The following C8orf58 variants were observed in gnomAD, a reference collection of about 807,000 sequenced individuals.
The protein encoded by C8orf58 is uncharacterized protein C8orf58.
C8orf58 carries 31 observed loss-of-function variants against 36.8 expected under a neutral mutation model. That is an observed-to-expected ratio of 0.84 (90% CI 0.63 to 1.14). The LOEUF (loss-of-function observed/expected upper bound fraction) is 1.14. C8orf58 is among the 50% of genes most tolerant of loss of function. The pLI, the probability that C8orf58 is intolerant of heterozygous loss-of-function variation, is 0.00. For synonymous variants in C8orf58, 230 were observed against 200.2 expected (o/e 1.15, Z -1.26); for missense variants, 538 against 480.8 (o/e 1.12, Z -1.11).
intron 5 of C8orf58, 96 bp downstream of exon 5, chr8:22,602,408 G>A: frequency 7.6e-7 from 1 of 1,310,424 alleles, no homozygotes; most frequent in Non-Finnish European, 1.1e-6. Flanking sequence ...CAACTCTGGG[G>A]AAATGACAGG....
intron 2 of C8orf58, 89 bp downstream of exon 2, chr8:22,601,446 C>T: frequency 9.2e-7 from 1 of 1,089,498 alleles, no homozygotes. Flanking sequence ...GGGTGGGGCA[C>T]TCCCTGCCCC....
chr8:22,600,516 T>A, intron 1 of C8orf58: 1 of 282,586 alleles, frequency 3.5e-6, no homozygotes. Context: ...ACAGTCCTAC[T>A]CCCGCTTGGG....
At chr8:22,602,857 G>A (rs563066480) in intron 6 of C8orf58, 9 of 577,416 alleles carry the variant, frequency 1.6e-5, no homozygotes, top group East Asian at 8.5e-5. Flanking sequence ...TTCCAAAGCC[G>A]CACGGTGAGT....
At position 22,599,675 on chromosome 8, in the gene C8orf58, A is replaced by C; in HGVS notation, c.-46A>C. 1 of 1,098,690 alleles carries C rather than the reference A, an allele frequency of 9.1e-7. No individual in the cohort carries two copies. Among genetic ancestry groups the C allele is most frequent in the Non-Finnish European group, 1.1e-6 (1 of 879,848 alleles). The allele number at this position is 1,098,690 out of a possible 1,614,324, so 68.1% of individuals were successfully genotyped here. A position where few individuals can be genotyped will look rare whatever the true frequency, so the allele number is the denominator to read the frequency against. On this transcript the variant is annotated 5_prime_UTR_variant, in exon 1 of 7. Coordinates refer to ENST00000289989, the MANE Select transcript of C8orf58 (RefSeq NM_001013842.3). ...GAGCTCCGCGGGGACTCGGGCCGGG[A>C]TCCTCGGGCGGCTGCATTGGCCGGG...
Position 22,603,335 on chromosome 8 carries a change from G to T in C8orf58, c.*29G>T. The T allele has an allele frequency of 6.7e-7, 1 of 1,500,414 alleles. No homozygotes were observed. The highest frequency in any genetic ancestry group is 9.3e-7 in the Non-Finnish European group (1 of 1,076,706). 92.9% of individuals were successfully genotyped at this position (1,500,414 alleles called of 1,614,324 possible). Reference sequence around the variant, plus strand: ...CTCTCGGTGCACCTGGTGACCCTGGGTGGAGGGGACTTGCTGTGAAGTCTT... The same window carrying T: ...CTCTCGGTGCACCTGGTGACCCTGGTTGGAGGGGACTTGCTGTGAAGTCTT... On this transcript the variant is annotated 3_prime_UTR_variant, in exon 7 of 7. Transcript: ENST00000289989.
At chr8:22,601,675 C>T in intron 2 of C8orf58, 37 bp from the exon 3 acceptor site, 1 of 1,569,976 alleles carries the variant, frequency 6.4e-7, no homozygotes, top group Non-Finnish European at 8.6e-7. Flanking sequence ...AGGAGCCCTA[C>T]TGGCTGAAAT....
chr8:22,602,523 C>G lies in C8orf58; in HGVS notation c.880-14C>G. The G allele has an allele frequency of 6.2e-7, 1 of 1,607,000 alleles. No individual in the cohort carries two copies. Among genetic ancestry groups the G allele is most frequent in the Non-Finnish European group, 8.5e-7 (1 of 1,174,322 alleles). On this transcript the variant is annotated splice_polypyrimidine_tract_variant and intron_variant, in intron 5 of 6. Transcript: ENST00000289989. ...GTGGGGAGGGCTCTGGGTGACCCCT[C>G]ATCCTCTGCTCAGCGGGATATCTCC...
chr8:22,603,466 C>A lies in C8orf58; in HGVS notation c.*160C>A. 1.4e-6 allele frequency: 1 copy of A among 691,292 alleles called. No individual in the cohort carries two copies. The allele number at this position is 691,292 out of a possible 1,614,324, so 42.8% of individuals were successfully genotyped here. ...GCTGAATCTTTCTCCTCTAAGCAGTCTGGTCAGGAACCTTGGTTTCTTGAG... is the reference window on the plus strand; with the variant it reads ...GCTGAATCTTTCTCCTCTAAGCAGTATGGTCAGGAACCTTGGTTTCTTGAG... On this transcript the variant is annotated 3_prime_UTR_variant, in exon 7 of 7. Coordinates refer to ENST00000289989, the MANE Select transcript of C8orf58 (RefSeq NM_001013842.3).
At chr8:22,602,866 G>T in intron 6 of C8orf58, 1 of 580,612 alleles carries the variant, frequency 1.7e-6, no homozygotes, top group South Asian at 2.2e-5. Flanking sequence ...CGCACGGTGA[G>T]TCAGTGACAG....
rs555354035 is a variant in C8orf58 at position 22,601,568 on chromosome 8, G to A, written c.517-144G>A. On this transcript the variant is annotated intron_variant, in intron 2 of 6. Coordinates refer to ENST00000289989, the MANE Select transcript of C8orf58 (RefSeq NM_001013842.3). Reference sequence around the variant, plus strand: ...GGGGCCCTTCCTGGCACTATGCCCCGCTGGGCAGTGGGGAAGCCGGCTGCG... The same window carrying A: ...GGGGCCCTTCCTGGCACTATGCCCCACTGGGCAGTGGGGAAGCCGGCTGCG... 4.1e-4 allele frequency: 455 copies of A among 1,112,004 alleles called. 2 individuals are homozygous for A. In the South Asian group the frequency reaches 6.4e-3, roughly 16 times the overall value. The allele number at this position is 1,112,004 out of a possible 1,614,324, so 68.9% of individuals were successfully genotyped here. A position where few individuals can be genotyped will look rare whatever the true frequency, so the allele number is the denominator to read the frequency against.
chr8:22,599,688 T>A lies in C8orf58; in HGVS notation c.-33T>A. The A allele has an allele frequency of 8.5e-7, 1 of 1,179,484 alleles. No homozygotes were observed. The highest frequency in any genetic ancestry group is 1.1e-6 in the Non-Finnish European group (1 of 947,696). 73.1% of individuals were successfully genotyped at this position (1,179,484 alleles called of 1,614,324 possible). A position where few individuals can be genotyped will look rare whatever the true frequency, so the allele number is the denominator to read the frequency against. ...ACTCGGGCCGGGATCCTCGGGCGGC[T>A]GCATTGGCCGGGGCCGGGGCCGGGA... On this transcript the variant is annotated 5_prime_UTR_variant, in exon 1 of 7. Transcript: ENST00000289989.
At chr8:22,602,691 A>G (rs34268501) in intron 6 of C8orf58, 48 bp downstream of exon 6, 412,811 of 1,209,214 alleles carry the variant, frequency 0.34, 71,437 homozygotes, top group South Asian at 0.44. Flanking sequence ...GGAGACTGAT[A>G]AGCCAGGATG....
intron 3 of C8orf58, 39 bp downstream of exon 3, chr8:22,601,891 G>T: frequency 6.4e-7 from 1 of 1,568,036 alleles, no homozygotes; most frequent in Non-Finnish European, 8.7e-7. Flanking sequence ...AGGACAGATG[G>T]GACCCTGGGA....
chr8:22,599,802 C>A (rs978713665), intron 1 of C8orf58, 42 bp downstream of exon 1: 6 of 1,038,616 alleles, frequency 5.8e-6, no homozygotes, highest in Admixed American at 4.3e-5. Context: ...CCCCCCTGCC[C>A]CGGAGCCGCT....
In C8orf58 at chr8:22,602,313, G is replaced by T. The variant is rs1800888494; in HGVS notation, c.879+1G>T. The stretch of plus-strand genomic sequence containing the variant: ...CTTGCCATCCTCCCAGGGACACAAG[G>T]TAGGGGACAGGTATATGTGGGGCAG... On this transcript the variant is annotated splice_donor_variant, in intron 5 of 6. Transcript: ENST00000289989. LOFTEE classifies it high-confidence loss of function. 6.6e-7 allele frequency: 1 copy of T among 1,511,194 alleles called. No homozygotes were observed. The highest frequency in any genetic ancestry group is 1.2e-5 in the South Asian group (1 of 86,270). 93.6% of individuals were successfully genotyped at this position (1,511,194 alleles called of 1,614,324 possible). A position where few individuals can be genotyped will look rare whatever the true frequency, so the allele number is the denominator to read the frequency against.
At chr8:22,603,158 C>T (rs1473356821) in intron 6 of C8orf58, 37 bp from the exon 7 acceptor site, 2 of 1,470,950 alleles carry the variant, frequency 1.4e-6, no homozygotes, top group Admixed American at 3.4e-5. Context: ...AGTTTTATTT[C>T]CCCCTTCTAG....
rs974449987 is a variant in C8orf58, at chr8:22,603,411, T to C, written c.*105T>C. On this transcript the variant is annotated 3_prime_UTR_variant, in exon 7 of 7. Transcript: ENST00000289989. ...TCTCCACATTGCCAGGAAAAGCTGC[T>C]GACGCCTGCCCTCCTCTCTTGAGTC... 3.7e-6 allele frequency: 3 copies of C among 807,444 alleles called. No individual in the cohort carries two copies. The highest frequency in any genetic ancestry group is 3.9e-5 in the Admixed American group (2 of 51,912). 50.0% of individuals were successfully genotyped at this position (807,444 alleles called of 1,614,324 possible). A position where few individuals can be genotyped will look rare whatever the true frequency, so the allele number is the denominator to read the frequency against.
intron 3 of C8orf58, 42 bp from the exon 4 acceptor site, chr8:22,601,930 C>T: frequency 6.5e-7 from 1 of 1,546,232 alleles, no homozygotes; most frequent in East Asian, 2.3e-5. Flanking sequence ...GCAGCTTCAG[C>T]CCTCTAGCCA....
At position 22,602,319 on chromosome 8, in the gene C8orf58, G is replaced by A. The variant is rs1212726650; in HGVS notation, c.879+7G>A. On this transcript the variant is annotated splice_region_variant and intron_variant, in intron 5 of 6. Transcript: ENST00000289989. The stretch of plus-strand genomic sequence containing the variant: ...ATCCTCCCAGGGACACAAGGTAGGG[G>A]ACAGGTATATGTGGGGCAGGTGGTG... The A allele has an allele frequency of 6.4e-6, 7 of 1,090,450 alleles. No individual in the cohort carries two copies. Among genetic ancestry groups the A allele is most frequent in the African/African-American group, 1.7e-5 (1 of 59,974 alleles). 67.5% of individuals were successfully genotyped at this position (1,090,450 alleles called of 1,614,324 possible).
Sources: allele counts gnomAD v4.1 joint callset, GRCh38; gene constraint gnomAD v4.1.1; transcripts MANE v1.5; gene names NCBI Gene and HGNC (gene_info 2026-07-23, HGNC 2026-07-21).